The following AP1S3 variants were observed in gnomAD, a reference collection of about 807,000 sequenced individuals.
AP1S3 encodes the protein adaptor related protein complex 1 subunit sigma 3, also known as AP-1 complex subunit sigma-3.
In AP1S3, 10 loss-of-function variants were observed where a neutral mutation model predicts 20.9. That is an observed-to-expected ratio of 0.48 (90% CI 0.29 to 0.81). The LOEUF (loss-of-function observed/expected upper bound fraction) is 0.81, where lower values mean the gene tolerates loss of function less well. Ranked by LOEUF, AP1S3 falls within the 30% of genes least tolerant of loss-of-function variation. The pLI is 0.08. For synonymous variants in AP1S3, 41 were observed against 61.5 expected (o/e 0.67, Z 1.56); for missense variants, 154 against 183.8 (o/e 0.84, Z 0.94).
chr2:223,782,376 T>G (rs1690971652), intron 1 of AP1S3, among the ~76,000 whole-genome samples: 1 of 152,182 alleles, frequency 6.6e-6, no homozygotes, highest in Non-Finnish European at 1.5e-5. Flanking sequence ...ATGTCTTCTG[T>G]TTATTGGTTC....
chr2:223,807,653 G>A (rs753446785), intron 1 of AP1S3, among the ~76,000 whole-genome samples: 4 of 151,956 alleles, frequency 2.6e-5, no homozygotes, highest in Non-Finnish European at 4.4e-5. Flanking sequence ...AAGTTATCAC[G>A]AGATCTGGTT....
At chr2:223,788,779 AAAGAAG>A (rs1237362307) in intron 1 of AP1S3, among the ~76,000 whole-genome samples, 5 of 146,352 alleles carry the variant, frequency 3.4e-5, no homozygotes, top group Non-Finnish European at 6.0e-5. Flanking sequence ...AAAAAAAAAA[AAAGAAG>A]AAGAAGAAGA....
intron 1 of AP1S3, among the ~76,000 whole-genome samples, chr2:223,793,989 G>C (rs988788828): frequency 3.9e-5 from 6 of 152,062 alleles, no homozygotes; most frequent in African/African-American, 1.4e-4. Flanking sequence ...CTGATTCTGT[G>C]TTTATCCTTT....
intron 1 of AP1S3, among the ~76,000 whole-genome samples, chr2:223,822,518 C>G (rs1371922236): frequency 6.6e-6 from 1 of 151,990 alleles, no homozygotes; most frequent in Non-Finnish European, 1.5e-5. Flanking sequence ...AACCTCATCT[C>G]TACTAAAAAT....
intron 1 of AP1S3, among the ~76,000 whole-genome samples, chr2:223,836,701 C>T (rs1692402809): frequency 6.6e-6 from 1 of 152,218 alleles, no homozygotes; most frequent in South Asian, 2.1e-4. Flanking sequence ...TGCACTTCAG[C>T]CTGGGCGACA....
At chr2:223,792,061 T>C (rs968576832) in intron 1 of AP1S3, among the ~76,000 whole-genome samples, 2 of 152,118 alleles carry the variant, frequency 1.3e-5, no homozygotes, top group Non-Finnish European at 2.9e-5. Flanking sequence ...TATCTGAAAA[T>C]GACCATATTG....
chr2:223,774,372 T>TAATA (rs56121039), intron 3 of AP1S3, among the ~76,000 whole-genome samples: 39,943 of 145,058 alleles, frequency 0.28, 6,219 homozygotes, highest in Non-Finnish European at 0.36. Flanking sequence ...TCTCAATAAA[T>TAATA]AATAAATAAA....
intron 1 of AP1S3, among the ~76,000 whole-genome samples, chr2:223,810,295 C>A (rs1001195499): frequency 3.3e-5 from 5 of 151,938 alleles, no homozygotes; most frequent in African/African-American, 1.2e-4. Flanking sequence ...CCCACACCCA[C>A]CCCTCTCTCT....
At chr2:223,836,390 C>A (rs1418724290) in intron 1 of AP1S3, among the ~76,000 whole-genome samples, 1 of 152,194 alleles carries the variant, frequency 6.6e-6, no homozygotes, top group East Asian at 1.9e-4. Flanking sequence ...CAGCTTCCAA[C>A]CTGACCCCCT....
At chr2:223,796,915 C>T (rs3099469) in intron 1 of AP1S3, among the ~76,000 whole-genome samples, 11 of 151,970 alleles carry the variant, frequency 7.2e-5, no homozygotes, top group Non-Finnish European at 8.8e-5. Context: ...CCACCGACCT[C>T]GGCCTCCCAA....
At chr2:223,805,273 T>C (rs1691552860) in intron 1 of AP1S3, among the ~76,000 whole-genome samples, 1 of 152,060 alleles carries the variant, frequency 6.6e-6, no homozygotes, top group African/African-American at 2.4e-5. Flanking sequence ...ACTCCATCTC[T>C]ACTAAAAAAA....
intron 1 of AP1S3, among the ~76,000 whole-genome samples, chr2:223,780,909 C>G (rs1690932416): frequency 6.6e-6 from 1 of 151,784 alleles, no homozygotes; most frequent in South Asian, 2.1e-4. Context: ...GAGTATAGTA[C>G]TTAAGTTAGT....
intron 1 of AP1S3, among the ~76,000 whole-genome samples, chr2:223,817,685 G>T (rs1173381143): frequency 1.3e-5 from 2 of 151,686 alleles, no homozygotes; most frequent in Non-Finnish European, 2.9e-5. Context: ...GCCCTGTTTG[G>T]CTTCTCTGAG....
Position 223,757,860 on chromosome 2 carries a change from T to C in AP1S3, c.*855A>G. On this transcript the variant is annotated 3_prime_UTR_variant, in exon 5 of 5. Transcript: ENST00000396654. ...CATATTTGAAATGAAATTTCCAGCA[T>C]CTAAGAGTGCTTGGAACGTGAATTT... 1 of 985,186 alleles carries C rather than the reference T, an allele frequency of 1.0e-6. No individual in the cohort carries two copies. Among genetic ancestry groups the C allele is most frequent in the Non-Finnish European group, 1.2e-6 (1 of 829,718 alleles). 61.0% of individuals were successfully genotyped at this position (985,186 alleles called of 1,614,324 possible).
chr2:223,812,884 T>C (rs936695792), intron 1 of AP1S3, among the ~76,000 whole-genome samples: 12 of 151,944 alleles, frequency 7.9e-5, no homozygotes, highest in African/African-American at 2.9e-4. Context: ...CAAAAATCAC[T>C]TTTCTTCTAT....
intron 1 of AP1S3, among the ~76,000 whole-genome samples, chr2:223,833,795 T>C (rs112940954): frequency 0.011 from 1,693 of 152,350 alleles, 16 homozygotes; most frequent in Non-Finnish European, 0.018. Context: ...GCAAAGCTGT[T>C]TGAAGCGCCT....
rs1559148107 is a variant in AP1S3, at chr2:223,828,091, A to AAAG, written c.3+9354_3+9356dup. Among the ~76,000 whole-genome samples, 220 of 130,312 alleles carry AAAG rather than the reference A, an allele frequency of 1.7e-3. 2 individuals carry two copies. The highest frequency in any genetic ancestry group is 5.5e-3 in the African/African-American group (181 of 32,680). The allele number at this position is 130,312 out of a possible 152,430, so 85.5% of individuals were successfully genotyped here. On this transcript the variant is annotated intron_variant, in intron 1 of 4. Coordinates refer to ENST00000396654, the MANE Select transcript of AP1S3 (RefSeq NM_001039569.2). Reference sequence around the variant, plus strand: ...AAAAAAAAAAAAAAAAAAAAAAAAAAAAGAAGAAGAAGAAAAGAAAAAGAA... The same window carrying AAAG: ...AAAAAAAAAAAAAAAAAAAAAAAAAAAAGAAGAAGAAGAAGAAAAGAAAAAGAA...
chr2:223,811,568 CAA>C (rs143512043), intron 1 of AP1S3, among the ~76,000 whole-genome samples: 7 of 135,440 alleles, frequency 5.2e-5, no homozygotes, highest in Non-Finnish European at 3.2e-5. Flanking sequence ...GACTCCATTT[CAA>C]AAAAAAAAAA....
At chr2:223,799,858 C>T (rs1209025258) in intron 1 of AP1S3, among the ~76,000 whole-genome samples, 2 of 152,098 alleles carry the variant, frequency 1.3e-5, no homozygotes, top group Non-Finnish European at 2.9e-5. Flanking sequence ...AATAGAATTA[C>T]ACACTACAAG....
Sources: gnomAD v4.1 joint callset for allele counts (sites outside exome capture counted in the v4.1 genomes callset) on GRCh38, gnomAD v4.1.1 for gene constraint, MANE v1.5 for transcripts, NCBI Gene and HGNC (gene_info 2026-07-23, HGNC 2026-07-21) for gene names.